The following CDH12 variants were observed in gnomAD, a reference collection of about 807,000 sequenced individuals.
CDH12 encodes the protein cadherin 12.
Under a neutral mutation model 74.1 loss-of-function variants are expected in CDH12, and 41 were observed. That is an observed-to-expected ratio of 0.55 (90% CI 0.43 to 0.72). The LOEUF (loss-of-function observed/expected upper bound fraction) is 0.72, where lower values mean the gene tolerates loss of function less well. Ranked by LOEUF, CDH12 falls within the 30% of genes least tolerant of loss-of-function variation. The pLI, the probability that CDH12 is intolerant of heterozygous loss-of-function variation, is 0.00. For missense variants in CDH12, 945 were observed against 977.2 expected, an observed-to-expected ratio of 0.97 and a Z score of 0.44; for synonymous variants, 399 against 355.0, an observed-to-expected ratio of 1.12 and a Z score of -1.39.
chr5:22,644,111 A>G (rs1739310217), intron 1 of CDH12, among the ~76,000 whole-genome samples: 1 of 151,968 alleles, frequency 6.6e-6, no homozygotes, highest in South Asian at 2.1e-4. Flanking sequence ...CAATACTGAA[A>G]TTGAGCCAAT....
chr5:22,480,419 C>G (rs887875773), intron 2 of CDH12, among the ~76,000 whole-genome samples: 2 of 151,310 alleles, frequency 1.3e-5, no homozygotes, highest in African/African-American at 4.9e-5. Flanking sequence ...TTTGTCTCTA[C>G]AAAAAATACA....
chr5:22,819,857 T>C (rs1295460586), intron 1 of CDH12, among the ~76,000 whole-genome samples: 2 of 149,448 alleles, frequency 1.3e-5, no homozygotes, highest in Non-Finnish European at 3.0e-5. Context: ...ATAGAAGATA[T>C]CCAGATATTT....
chr5:22,264,759 G>T (rs1049107408), intron 3 of CDH12, among the ~76,000 whole-genome samples: 1 of 152,050 alleles, frequency 6.6e-6, no homozygotes, highest in Non-Finnish European at 1.5e-5. Context: ...GCAATACAAG[G>T]GTTTGTTTCC....
At chr5:22,070,965 G>A (rs1333489503) in intron 5 of CDH12, among the ~76,000 whole-genome samples, 3 of 152,030 alleles carry the variant, frequency 2.0e-5, no homozygotes, top group African/African-American at 7.2e-5. Context: ...AACACACACT[G>A]CAGCCTGTCA....
chr5:21,809,851 C>A (rs1747651593), intron 9 of CDH12, among the ~76,000 whole-genome samples: 1 of 151,972 alleles, frequency 6.6e-6, no homozygotes, highest in African/African-American at 2.4e-5. Flanking sequence ...ATATGAGAAC[C>A]TTGTAAGTAT....
At chr5:22,024,578 T>A (rs1283519690) in intron 5 of CDH12, among the ~76,000 whole-genome samples, 1 of 152,158 alleles carries the variant, frequency 6.6e-6, no homozygotes, top group African/African-American at 2.4e-5. Flanking sequence ...AGTGGTGTGA[T>A]CTCAGTTCAC....
At position 22,800,457 on chromosome 5, in the gene CDH12, G is replaced by A. The variant is rs115557568; in HGVS notation, c.-523+52601C>T. 4.9e-3 allele frequency among the ~76,000 whole-genome samples: 740 copies of A among 152,130 alleles called. 10 individuals carry two copies. Among genetic ancestry groups the A allele is most frequent in the African/African-American group, 0.013 (546 of 41,506 alleles). On this transcript the variant is annotated intron_variant, in intron 1 of 14. Coordinates refer to ENST00000382254, the MANE Select transcript of CDH12 (RefSeq NM_004061.5). ...AAGAACAGAGAGTTCTTACATACCC[G>A]TTTACCCACTAGTCCTACACGTGTA...
Position 22,352,428 on chromosome 5 carries a change from C to T in CDH12, c.-333+52829G>A, listed in dbSNP as rs965932775. 2.0e-5 allele frequency among the ~76,000 whole-genome samples: 3 copies of T among 151,946 alleles called. No individual in the cohort carries two copies. In the South Asian group the frequency reaches 6.2e-4, roughly 32 times the overall value. ...TAAACAAAATACAATAACAAAAACCCCTACAATGTAGAAGTTGTCTTCTGA... is the reference window on the plus strand; with the variant it reads ...TAAACAAAATACAATAACAAAAACCTCTACAATGTAGAAGTTGTCTTCTGA... On this transcript the variant is annotated intron_variant, in intron 3 of 14. Coordinates refer to ENST00000382254, the MANE Select transcript of CDH12 (RefSeq NM_004061.5).
intron 1 of CDH12, among the ~76,000 whole-genome samples, chr5:22,573,989 G>T (rs10044850): frequency 0.15 from 22,136 of 151,186 alleles, 2,226 homozygotes; most frequent in East Asian, 0.37. Flanking sequence ...CTTATTTGCT[G>T]TGGTCTCCTG....
chr5:22,545,138 C>G (rs530118080), intron 1 of CDH12, among the ~76,000 whole-genome samples: 2 of 152,300 alleles, frequency 1.3e-5, no homozygotes, highest in African/African-American at 4.8e-5. Context: ...GGACAGTTTC[C>G]TAAACCTGAA....
Position 21,752,070 on chromosome 5 carries a change from A to C in CDH12, c.2052T>G (p.Ile684Met), listed in dbSNP as rs1260140468. 1.2e-6 allele frequency: 2 copies of C among 1,613,978 alleles called. No individual in the cohort carries two copies. Among genetic ancestry groups the C allele is most frequent in the Non-Finnish European group, 1.7e-6 (2 of 1,180,006 alleles). ...TATCCCTGCGAATTTTGTTCTCCTC[A>C]ATCACTTTTGGGTTTCTCAGAGCCC... Reference protein sequence around the residue: ...DIGALRNPKVIEENKIRRDIK... With the variant: ...DIGALRNPKVMEENKIRRDIK... The change falls in exon 15 of 15, where the codon ATT (isoleucine) becomes ATG (methionine). Residue 684 changes from isoleucine to methionine, a missense_variant. Around this residue, in one of 3 missense-constraint regions of CDH12, gnomAD observed 791 missense variants for 792.8 expected, o/e 1.00. Transcript: ENST00000382254.
intron 6 of CDH12, among the ~76,000 whole-genome samples, chr5:21,892,961 G>A (rs1300473027): frequency 6.6e-6 from 1 of 152,118 alleles, no homozygotes; most frequent in African/African-American, 2.4e-5. Flanking sequence ...AACCAGCAAA[G>A]CTTCACGTAC....
intron 5 of CDH12, among the ~76,000 whole-genome samples, chr5:21,993,566 C>A (rs1167035069): frequency 6.6e-6 from 1 of 152,172 alleles, no homozygotes; most frequent in African/African-American, 2.4e-5. Flanking sequence ...AGTTGAACTA[C>A]CTACACCCCA....
Position 21,769,575 on chromosome 5 carries a change from TATAGG to T in CDH12, c.1394-4481_1394-4477del, listed in dbSNP as rs904256308. Among the ~76,000 whole-genome samples the T allele has an allele frequency of 1.3e-5, 2 of 152,160 alleles. 1 individual carries two copies. The highest frequency in any genetic ancestry group is 1.3e-4 in the Admixed American group (2 of 15,276). ...GCTTAATTGTCAGAAGAACATGTCATATAGGATAGATTTTTAGGTGTGACATAATT... is the reference window on the plus strand; with the variant it reads ...GCTTAATTGTCAGAAGAACATGTCATATAGATTTTTAGGTGTGACATAATT... On this transcript the variant is annotated intron_variant, in intron 11 of 14. Coordinates refer to ENST00000382254, the MANE Select transcript of CDH12 (RefSeq NM_004061.5).
At chr5:22,392,837 T>G (rs1021783581) in intron 3 of CDH12, among the ~76,000 whole-genome samples, 5 of 152,234 alleles carry the variant, frequency 3.3e-5, no homozygotes, top group African/African-American at 1.2e-4. Flanking sequence ...GTGGAGAGAT[T>G]GCTTGGGAAA....
intron 6 of CDH12, among the ~76,000 whole-genome samples, chr5:21,930,816 A>G (rs1183579074): frequency 6.6e-6 from 1 of 152,210 alleles, no homozygotes; most frequent in Non-Finnish European, 1.5e-5. Flanking sequence ...AAGAACATAT[A>G]AAGTTATTGA....
intron 1 of CDH12, among the ~76,000 whole-genome samples, chr5:22,703,914 T>G (rs934898991): frequency 1.3e-5 from 2 of 152,158 alleles, no homozygotes; most frequent in East Asian, 1.9e-4. Context: ...ATTAAAACTC[T>G]TGGACAAATA....
chr5:21,934,931 C>T (rs1353571680), intron 6 of CDH12, among the ~76,000 whole-genome samples: 3 of 152,078 alleles, frequency 2.0e-5, no homozygotes, highest in Non-Finnish European at 4.4e-5. Flanking sequence ...CGACTACAGG[C>T]GCCCGCCATC....
chr5:22,733,396 A>C lies in CDH12; in HGVS notation c.-523+119662T>G, dbSNP rs1223313719. Among the ~76,000 whole-genome samples the C allele has an allele frequency of 2.0e-5, 3 of 151,826 alleles. No homozygotes were observed. The East Asian group carries it at 5.8e-4, about 29-fold the overall frequency. The stretch of plus-strand genomic sequence containing the variant: ...ATTCAAAAAATATGCATTTATATGA[A>C]GTGATCTTTTATCGAAATTAAACTG... On this transcript the variant is annotated intron_variant, in intron 1 of 14. Coordinates refer to ENST00000382254, the MANE Select transcript of CDH12 (RefSeq NM_004061.5).
Sources: allele counts gnomAD v4.1 joint callset (sites outside exome capture counted in the v4.1 genomes callset), GRCh38; gene constraint gnomAD v4.1.1; regional missense constraint gnomAD v4.1.1; transcripts MANE v1.5; gene names NCBI Gene and HGNC (gene_info 2026-07-23, HGNC 2026-07-21).